PRIM2: variants seen among roughly 807,000 people sequenced by gnomAD.
PRIM2 encodes the protein DNA primase large subunit.
Under a neutral mutation model 67.3 loss-of-function variants are expected in PRIM2, and 39 were observed. That is an observed-to-expected ratio of 0.58 (90% CI 0.45 to 0.76). The LOEUF (loss-of-function observed/expected upper bound fraction) is 0.76. Among genes scored for constraint, PRIM2 ranks in the 30% least tolerant of loss-of-function variants. The pLI is 0.00. For missense variants in PRIM2, 398 were observed against 598.7 expected, an observed-to-expected ratio of 0.66 and a Z score of 3.50; for synonymous variants, 143 against 198.7, an observed-to-expected ratio of 0.72 and a Z score of 2.36.
upstream of PRIM2, among the ~76,000 whole-genome samples, chr6:57,312,703 A>G (rs943103025): frequency 6.6e-6 from 1 of 152,228 alleles, no homozygotes; most frequent in Admixed American, 6.5e-5. Flanking sequence ...TTGTGCAACT[A>G]TCACCATTAT....
At chr6:57,318,412 C>T (rs369094479) in intron 1 of PRIM2, 25 bp from the exon 2 acceptor site, 26 of 1,535,436 alleles carry the variant, frequency 1.7e-5, no homozygotes, top group African/African-American at 1.7e-4. Flanking sequence ...CATCATTTTA[C>T]GCTTTTTGTG....
At chr6:57,628,962 A>G (rs1777000750) in intron 12 of PRIM2, among the ~76,000 whole-genome samples, 2 of 152,104 alleles carry the variant, frequency 1.3e-5, no homozygotes. Context: ...TTGATCCTAT[A>G]TCATAAGCTG....
intron 7 of PRIM2, among the ~76,000 whole-genome samples, chr6:57,414,796 G>A (rs201978473): frequency 0.064 from 9,655 of 152,006 alleles, 419 homozygotes; most frequent in Admixed American, 0.1. Flanking sequence ...AAATTTTATA[G>A]CCTTTATGCC....
chr6:57,629,703 C>A (rs1436119762), intron 12 of PRIM2, among the ~76,000 whole-genome samples: 15 of 148,908 alleles, frequency 1.0e-4, no homozygotes, highest in Non-Finnish European at 3.0e-5. Flanking sequence ...CCTTTCCAAT[C>A]TGTTCCCAGC....
chr6:57,269,326 C>G, the PRIM2 span, among the ~76,000 whole-genome samples: 1 of 152,046 alleles, frequency 6.6e-6, no homozygotes, highest in Admixed American at 6.6e-5. Flanking sequence ...GATCGCCATT[C>G]TAACTGGTGT....
At chr6:57,308,444 T>C in the PRIM2 span, among the ~76,000 whole-genome samples, 1 of 152,204 alleles carries the variant, frequency 6.6e-6, no homozygotes, top group African/African-American at 2.4e-5. Context: ...TTTCTGATGA[T>C]GGATGGTTTC....
intron 7 of PRIM2, among the ~76,000 whole-genome samples, chr6:57,456,230 A>G (rs1367794301): frequency 6.6e-6 from 1 of 151,912 alleles, no homozygotes; most frequent in Non-Finnish European, 1.5e-5. Context: ...TGTTTCCTTC[A>G]TTTCAACTTT....
intron 7 of PRIM2, among the ~76,000 whole-genome samples, chr6:57,474,997 G>T (rs1295535273): frequency 6.6e-6 from 1 of 152,116 alleles, no homozygotes; most frequent in Admixed American, 6.5e-5. Context: ...TAGGCAATCG[G>T]CTGCTCTGGG....
chr6:57,424,124 A>G (rs1291980261), intron 7 of PRIM2, among the ~76,000 whole-genome samples: 1 of 152,170 alleles, frequency 6.6e-6, no homozygotes, highest in Non-Finnish European at 1.5e-5. Flanking sequence ...TTGTAAGAAA[A>G]ACAAAACTGG....
At chr6:57,438,909 A>G (rs1581905437) in intron 7 of PRIM2, among the ~76,000 whole-genome samples, 3 of 151,872 alleles carry the variant, frequency 2.0e-5, no homozygotes. Flanking sequence ...AGTAGCGGCC[A>G]TGTTGGCCAG....
In PRIM2 at chr6:57,532,498, A is replaced by C. The variant is rs1399413067; in HGVS notation, c.834+15A>C. 904 of 1,311,644 alleles carry C rather than the reference A, an allele frequency of 6.9e-4. 3 individuals carry two copies. Among genetic ancestry groups the C allele is most frequent in the Non-Finnish European group, 8.3e-4 (793 of 951,836 alleles). The allele number at this position is 1,311,644 out of a possible 1,614,324, so 81.3% of individuals were successfully genotyped here. Reference sequence around the variant, plus strand: ...AGATTGATTTGGTAAGTAGAACATTATTTTAAACTTAGAACTTTATCAATG... The same window carrying C: ...AGATTGATTTGGTAAGTAGAACATTCTTTTAAACTTAGAACTTTATCAATG... On this transcript the variant is annotated intron_variant, in intron 9 of 13. Coordinates refer to ENST00000615550, the MANE Select transcript of PRIM2 (RefSeq NM_000947.5).
At chr6:57,406,135 A>G (rs1402394152) in intron 7 of PRIM2, among the ~76,000 whole-genome samples, 1 of 152,178 alleles carries the variant, frequency 6.6e-6, no homozygotes, top group African/African-American at 2.4e-5. Flanking sequence ...TCTTAGATGT[A>G]AGCATTCCCT....
chr6:57,479,031 A>G (rs1773549781), intron 7 of PRIM2, among the ~76,000 whole-genome samples: 1 of 152,226 alleles, frequency 6.6e-6, no homozygotes, highest in Non-Finnish European at 1.5e-5. Flanking sequence ...CTGTAATCCC[A>G]GCTACTTGGG....
chr6:57,333,727 T>C (rs1415486635), intron 5 of PRIM2, among the ~76,000 whole-genome samples: 1 of 152,166 alleles, frequency 6.6e-6, no homozygotes, highest in African/African-American at 2.4e-5. Context: ...TCAACTGTTT[T>C]CTCAATTTTC....
the PRIM2 span, chr6:57,221,780 TG>T: frequency 6.6e-6 from 1 of 152,230 alleles, no homozygotes; most frequent in African/African-American, 2.4e-5. Context: ...CTTCTCTAGC[TG>T]GAACTTGGGA....
At chr6:57,322,449 T>A (rs140083124) in intron 3 of PRIM2, among the ~76,000 whole-genome samples, 1 of 152,230 alleles carries the variant, frequency 6.6e-6, no homozygotes, top group African/African-American at 2.4e-5. Context: ...TGGGAGGTAA[T>A]TGAATCATGG....
chr6:57,398,887 A>G (rs62415557), intron 7 of PRIM2, among the ~76,000 whole-genome samples: 3 of 151,932 alleles, frequency 2.0e-5, no homozygotes, highest in Non-Finnish European at 4.4e-5. Flanking sequence ...TGAAGTCTTT[A>G]CCGTTATGAA....
chr6:57,235,290 C>T, the PRIM2 span, among the ~76,000 whole-genome samples: 1 of 152,102 alleles, frequency 6.6e-6, no homozygotes, highest in Non-Finnish European at 1.5e-5. Context: ...TGGTGAAGCC[C>T]CATCTCTACT....
chr6:57,594,852 C>T (rs1464054939), intron 10 of PRIM2, among the ~76,000 whole-genome samples: 1 of 152,100 alleles, frequency 6.6e-6, no homozygotes, highest in Non-Finnish European at 1.5e-5. Flanking sequence ...AGTTGATAAG[C>T]CTTTGTTACA....
Sources: gnomAD v4.1 joint callset for allele counts (sites outside exome capture counted in the v4.1 genomes callset) on GRCh38, gnomAD v4.1.1 for gene constraint, MANE v1.5 for transcripts, NCBI Gene and HGNC (gene_info 2026-07-23, HGNC 2026-07-21) for gene names.